HTRA1: variants seen among roughly 807,000 people sequenced by gnomAD.
The protein encoded by HTRA1 is serine protease HTRA1.
In HTRA1, 26 loss-of-function variants were observed where a neutral mutation model predicts 49.7. The ratio of observed to expected loss-of-function variants is 0.52; its 90% CI spans 0.38 to 0.73. The LOEUF is 0.73. Ranked by LOEUF, HTRA1 falls within the 30% of genes least tolerant of loss-of-function variation. HTRA1 has a pLI of 0.00. For synonymous variants in HTRA1, 291 were observed against 286.9 expected (o/e 1.01, Z -0.14); for missense variants, 561 against 667.2 (o/e 0.84, Z 1.75).
Position 122,483,192 on chromosome 10 carries a change from A to C in HTRA1, c.473-5710A>C, listed in dbSNP as rs2736918. ...TGAAAGAAGTTGTTGAAAGTAATTA[A>C]GAAGTATTATGTGTAAAACTCCAGG... On this transcript the variant is annotated intron_variant, in intron 1 of 8. Coordinates refer to ENST00000368984, the MANE Select transcript of HTRA1 (RefSeq NM_002775.5). Among the ~76,000 whole-genome samples, 680 of 152,320 alleles carry C rather than the reference A, an allele frequency of 4.5e-3. 3 individuals are homozygous for C. Among genetic ancestry groups the C allele is most frequent in the Non-Finnish European group, 6.3e-3 (429 of 68,038 alleles).
intron 3 of HTRA1, among the ~76,000 whole-genome samples, chr10:122,499,804 G>C (rs545788979): frequency 3.3e-5 from 5 of 152,276 alleles, no homozygotes; most frequent in African/African-American, 1.2e-4. Flanking sequence ...TTTCCAGAAG[G>C]CACATTGAAT....
rs1183326240 is a variant in HTRA1, at chr10:122,461,562, C to G, written c.-91C>G. 2 of 728,612 alleles carry G rather than the reference C, an allele frequency of 2.7e-6. No individual in the cohort carries two copies. Among genetic ancestry groups the G allele is most frequent in the African/African-American group, 3.9e-5 (2 of 51,288 alleles). 45.1% of individuals were successfully genotyped at this position (728,612 alleles called of 1,614,324 possible). A position where few individuals can be genotyped will look rare whatever the true frequency, so the allele number is the denominator to read the frequency against. Reference sequence around the variant, plus strand: ...CCGCGCGGCCGCGCGCACTCGCACCCGCTGCCCCCGAGGCCCTCCTGCACT... The same window carrying G: ...CCGCGCGGCCGCGCGCACTCGCACCGGCTGCCCCCGAGGCCCTCCTGCACT... On this transcript the variant is annotated 5_prime_UTR_variant, in exon 1 of 9. Coordinates refer to ENST00000368984, the MANE Select transcript of HTRA1 (RefSeq NM_002775.5).
chr10:122,467,666 G>A (rs1016093740), intron 1 of HTRA1, among the ~76,000 whole-genome samples: 1 of 151,998 alleles, frequency 6.6e-6, no homozygotes, highest in African/African-American at 2.4e-5. Flanking sequence ...GAGCTTCCAC[G>A]AGACTCATAC....
Position 122,506,932 on chromosome 10 carries a change from CA to C in HTRA1, c.972+48del, listed in dbSNP as rs766504797. On this transcript the variant is annotated intron_variant, in intron 4 of 8. Transcript: ENST00000368984. This position sits in a 1 kb window ranked among gnomAD's most constrained non-coding sequence, Gnocchi z 5.2. ...GGTGGGGATTGGGGCAGAGTTTTGC[CA>C]GGGGGAGAGGAGTCAGCATAGGTCT... 22 of 1,553,042 alleles carry C rather than the reference CA, an allele frequency of 1.4e-5. No individual in the cohort carries two copies. In the Middle Eastern group the frequency reaches 5.1e-4, roughly 36 times the overall value.
intron 1 of HTRA1, among the ~76,000 whole-genome samples, chr10:122,470,323 G>A (rs2097485587): frequency 6.6e-6 from 1 of 152,210 alleles, no homozygotes; most frequent in Admixed American, 6.5e-5. Context: ...GGACAATGAT[G>A]CTGCCTAGGA....
At chr10:122,505,628 A>G (rs1348286083) in intron 3 of HTRA1, among the ~76,000 whole-genome samples, 1 of 152,094 alleles carries the variant, frequency 6.6e-6, no homozygotes, top group African/African-American at 2.4e-5. Flanking sequence ...CCTGGGTTCC[A>G]CCTGCCCCAC....
In HTRA1 at chr10:122,514,621, T is replaced by C. The variant is rs578090224; in HGVS notation, c.*262T>C. 2.1e-6 allele frequency: 1 copy of C among 476,580 alleles called. No individual in the cohort carries two copies. The highest frequency in any genetic ancestry group is 2.0e-5 in the African/African-American group (1 of 51,176). The allele number at this position is 476,580 out of a possible 1,614,324, so 29.5% of individuals were successfully genotyped here. On this transcript the variant is annotated 3_prime_UTR_variant, in exon 9 of 9. Coordinates refer to ENST00000368984, the MANE Select transcript of HTRA1 (RefSeq NM_002775.5). Reference sequence around the variant, plus strand: ...TTTTCTTGCCAGCTTGGGCCATTCTTGCTTAGACAGTCAGCATTTGTCTCC... The same window carrying C: ...TTTTCTTGCCAGCTTGGGCCATTCTCGCTTAGACAGTCAGCATTTGTCTCC...
intron 3 of HTRA1, among the ~76,000 whole-genome samples, chr10:122,505,442 G>A (rs150581997): frequency 4.1e-4 from 62 of 152,244 alleles, no homozygotes; most frequent in Non-Finnish European, 5.3e-4. Flanking sequence ...ACTGTGTAGT[G>A]GATGAGAGAG....
intron 1 of HTRA1, among the ~76,000 whole-genome samples, chr10:122,481,673 G>A (rs191549429): frequency 6.0e-4 from 91 of 152,262 alleles, no homozygotes; most frequent in African/African-American, 2.0e-3. Context: ...TAGTTGATAC[G>A]GTTTGGTTGT....
At chr10:122,491,301 C>T (rs766801149) in intron 3 of HTRA1, among the ~76,000 whole-genome samples, 67 of 152,298 alleles carry the variant, frequency 4.4e-4, no homozygotes, top group Middle Eastern at 3.4e-3. Flanking sequence ...AGGCCGGCCC[C>T]GTGGTTTGAT....
At chr10:122,513,382 C>G (rs1235061022) in intron 8 of HTRA1, among the ~76,000 whole-genome samples, 1 of 152,052 alleles carries the variant, frequency 6.6e-6, no homozygotes, top group South Asian at 2.1e-4. Flanking sequence ...GCAGATAGTA[C>G]CTGGTACATC....
At position 122,461,584 on chromosome 10, in the gene HTRA1, C is replaced by T; in HGVS notation, c.-69C>T. On this transcript the variant is annotated 5_prime_UTR_variant, in exon 1 of 9. Transcript: ENST00000368984. The stretch of plus-strand genomic sequence containing the variant: ...ACCCGCTGCCCCCGAGGCCCTCCTG[C>T]ACTCTCCCCGGCGCCGCTCTCCGGC... 9.8e-7 allele frequency: 1 copy of T among 1,018,064 alleles called. No individual in the cohort carries two copies. The highest frequency in any genetic ancestry group is 1.5e-5 in the South Asian group (1 of 67,078). The allele number at this position is 1,018,064 out of a possible 1,614,324, so 63.1% of individuals were successfully genotyped here.
intron 1 of HTRA1, among the ~76,000 whole-genome samples, chr10:122,473,247 C>T (rs1488538468): frequency 6.6e-6 from 1 of 152,094 alleles, no homozygotes; most frequent in Non-Finnish European, 1.5e-5. Context: ...TCGGCTTGTC[C>T]TTCTAACACT....
At chr10:122,511,944 A>T in intron 7 of HTRA1, 26 bp from the exon 8 acceptor site, 1 of 1,588,838 alleles carries the variant, frequency 6.3e-7, no homozygotes, top group East Asian at 2.2e-5. Flanking sequence ...CTTCACACTA[A>T]CACGGGTGCT....
intron 3 of HTRA1, among the ~76,000 whole-genome samples, chr10:122,493,101 T>C (rs575056813): frequency 2.0e-5 from 3 of 152,318 alleles, no homozygotes; most frequent in Admixed American, 6.5e-5. Flanking sequence ...AGCAGACACA[T>C]GTGCGCTCAC....
Position 122,489,414 on chromosome 10 carries a change from G to T in HTRA1, c.573-8G>T. 2 of 1,614,012 alleles carry T rather than the reference G, an allele frequency of 1.2e-6. No homozygotes were observed. Among genetic ancestry groups the T allele is most frequent in the Non-Finnish European group, 1.7e-6 (2 of 1,179,868 alleles). On this transcript the variant is annotated splice_region_variant and splice_polypyrimidine_tract_variant and intron_variant, in intron 2 of 8. Coordinates refer to ENST00000368984, the MANE Select transcript of HTRA1 (RefSeq NM_002775.5). ...ACAGGCTTAAGTGTGTACTCCTTTG[G>T]ATTTTAGGCTTCCGTTTTCTAAACG... is the stretch of plus-strand genomic sequence containing the variant.
At chr10:122,502,303 G>C (rs1452755043) in intron 3 of HTRA1, among the ~76,000 whole-genome samples, 1 of 152,198 alleles carries the variant, frequency 6.6e-6, no homozygotes, top group Non-Finnish European at 1.5e-5. Flanking sequence ...GATGCTGCTT[G>C]TTGTTGTCTG....
chr10:122,511,888 G>A (rs1263636999), intron 7 of HTRA1, 82 bp from the exon 8 acceptor site: 3 of 959,204 alleles, frequency 3.1e-6, no homozygotes, highest in Non-Finnish European at 3.4e-6. Context: ...AGGAGAAGAC[G>A]GGAACTGGTG....
At chr10:122,483,507 G>A (rs906476610) in intron 1 of HTRA1, among the ~76,000 whole-genome samples, 1 of 152,136 alleles carries the variant, frequency 6.6e-6, no homozygotes, top group Admixed American at 6.5e-5. Flanking sequence ...AAATCATGTA[G>A]CACTGTATAA....
Sources: allele counts gnomAD v4.1 joint callset (sites outside exome capture counted in the v4.1 genomes callset), GRCh38; gene constraint gnomAD v4.1.1; non-coding constraint Gnocchi (gnomAD v3.1); transcripts MANE v1.5; gene names NCBI Gene and HGNC (gene_info 2026-07-23, HGNC 2026-07-21).